Variants in TUT4 observed in about 807,000 individuals in gnomAD.
TUT4 encodes the protein terminal uridylyl transferase 4.
TUT4 carries 36 observed loss-of-function variants against 192.2 expected under a neutral mutation model. That is an observed-to-expected ratio of 0.19 (90% CI 0.14 to 0.25). The LOEUF (loss-of-function observed/expected upper bound fraction) is 0.25, where lower values mean the gene tolerates loss of function less well. Ranked by LOEUF, TUT4 falls within the 10% of genes least tolerant of loss-of-function variation. The pLI, the probability that TUT4 is intolerant of heterozygous loss-of-function variation, is 1.00. For missense variants in TUT4, 1,493 were observed against 1,957.2 expected (o/e 0.76, Z 4.47); for synonymous variants, 618 against 666.0 (o/e 0.93, Z 1.11).
intron 1 of TUT4, among the ~76,000 whole-genome samples, chr1:52,545,051 T>TG: frequency 7.5e-6 from 1 of 134,038 alleles, no homozygotes; most frequent in Non-Finnish European, 1.5e-5. Flanking sequence ...AGTGAGACCT[T>TG]GTCCCCAAAA....
Position 52,423,987 on chromosome 1 carries a change from CG to C in TUT4, c.4885del (p.Arg1629ValfsTer70). 1 of 1,612,126 alleles carries C rather than the reference CG, an allele frequency of 6.2e-7. No homozygotes were observed. Among genetic ancestry groups the C allele is most frequent in the Non-Finnish European group, 8.5e-7 (1 of 1,179,170 alleles). On this transcript the variant is annotated frameshift_variant, in exon 30 of 30. Transcript: ENST00000257177. LOFTEE classifies it high-confidence loss of function. ...GTGGGGACAACGCTCTCTACACCGA[CG>C]GGTGGCACATCTGTCTGTTGGATAC... Reference protein sequence around the residue: ...PFYTQDRCATRRCRERCPHPP... With the variant: ...PFYTQDRCATXRCRERCPHPP...
intron 13 of TUT4, among the ~76,000 whole-genome samples, chr1:52,472,568 TTTA>T (rs558327309): frequency 1.6e-3 from 243 of 150,924 alleles, no homozygotes; most frequent in African/African-American, 5.5e-3. Flanking sequence ...ATTAAACTAA[TTTA>T]TTATTAAATT....
At chr1:52,455,607 T>TAAAAAA (rs34934935) in intron 20 of TUT4, among the ~76,000 whole-genome samples, 1 of 40,560 alleles carries the variant, frequency 2.5e-5, no homozygotes, top group East Asian at 9.5e-4. Context: ...ACGCTACCTT[T>TAAAAAA]AAAAAAAAAA....
intron 15 of TUT4, 28 bp downstream of exon 15, chr1:52,468,153 G>A (rs376498009): frequency 2.1e-4 from 312 of 1,521,916 alleles, no homozygotes; most frequent in Non-Finnish European, 2.7e-4. Context: ...CAGCAAAAAC[G>A]CAATAAATTT....
chr1:52,436,700 G>A (rs1653895781), intron 26 of TUT4, 55 bp downstream of exon 26: 17 of 1,604,662 alleles, frequency 1.1e-5, no homozygotes, highest in Non-Finnish European at 1.2e-5. Context: ...TAGCATGCAA[G>A]CAACATAAAT....
At chr1:52,429,461 G>A (rs1484578860) in intron 28 of TUT4, among the ~76,000 whole-genome samples, 1 of 151,744 alleles carries the variant, frequency 6.6e-6, no homozygotes, top group East Asian at 1.9e-4. Flanking sequence ...GGCAGGAGGA[G>A]CACTTGAGCC....
chr1:52,442,992 A>G (rs1656134614), intron 24 of TUT4, among the ~76,000 whole-genome samples: 1 of 152,152 alleles, frequency 6.6e-6, no homozygotes, highest in Non-Finnish European at 1.5e-5. Flanking sequence ...GCATTCTACT[A>G]AAAAGTCTCG....
intron 3 of TUT4, 183 bp downstream of exon 3, chr1:52,515,708 G>A (rs1678541638): frequency 2.9e-6 from 2 of 696,216 alleles, no homozygotes; most frequent in Non-Finnish European, 4.9e-6. Context: ...ATAAGTAACT[G>A]CTGAAAAAGA....
Position 52,445,850 on chromosome 1 carries a change from T to C in TUT4, c.3759A>G (p.Lys1253=). 6.2e-7 allele frequency: 1 copy of C among 1,612,860 alleles called. No individual in the cohort carries two copies. The highest frequency in any genetic ancestry group is 8.5e-7 in the Non-Finnish European group (1 of 1,179,376). ...VSRKMTNFIM[K]AFINGRKLFG... is the part of the protein sequence containing the mutation. Reference sequence around the variant, plus strand: ...AAAGTTTCCTTCCATTGATAAATGCTTTCATGATGAAATTGGTCACTATTA... The same window carrying C: ...AAAGTTTCCTTCCATTGATAAATGCCTTCATGATGAAATTGGTCACTATTA... The change falls in exon 24 of 30, where the codon AAA becomes AAG. Residue 1253 remains lysine, a synonymous_variant. Transcript: ENST00000257177.
intron 20 of TUT4, among the ~76,000 whole-genome samples, chr1:52,451,941 A>G (rs1480028544): frequency 6.6e-6 from 1 of 152,072 alleles, no homozygotes; most frequent in Non-Finnish European, 1.5e-5. Context: ...TCAATAATTA[A>G]TAACCATCCA....
rs571697922 is a variant in TUT4, at chr1:52,452,409, C to A, written c.3436-5742G>T. On this transcript the variant is annotated intron_variant, in intron 20 of 29. Transcript: ENST00000257177. Reference sequence around the variant, plus strand: ...AGCAAGTTGACTACTGGCTGACAGCCCCTAGGTATCTTTAAAATGGGGGTT... The same window carrying A: ...AGCAAGTTGACTACTGGCTGACAGCACCTAGGTATCTTTAAAATGGGGGTT... 6.6e-5 allele frequency among the ~76,000 whole-genome samples: 10 copies of A among 152,222 alleles called. No homozygotes were observed. The South Asian group carries it at 2.1e-3, about 32-fold the overall frequency.
At chr1:52,484,160 G>T (rs1213974451) in intron 9 of TUT4, among the ~76,000 whole-genome samples, 2 of 152,106 alleles carry the variant, frequency 1.3e-5, no homozygotes, top group Non-Finnish European at 2.9e-5. Flanking sequence ...GTTACAGTGA[G>T]CTATGATGGC....
chr1:52,502,474 T>C (rs771357915), intron 4 of TUT4, among the ~76,000 whole-genome samples: 1 of 152,276 alleles, frequency 6.6e-6, no homozygotes, highest in South Asian at 2.1e-4. Context: ...AAATGCTCCA[T>C]TTAAATCATG....
rs548524166 is a variant in TUT4 at position 52,459,143 on chromosome 1, G to A, written c.3322-694C>T. Among the ~76,000 whole-genome samples, 6 of 152,202 alleles carry A rather than the reference G, an allele frequency of 3.9e-5. No homozygotes were observed. In the South Asian group the frequency reaches 1.0e-3, roughly 26 times the overall value. ...TCTACTAAAAATAAAAAAGTTAGCC[G>A]GGTGTGGTGGCGGGCGCCTGTAGTC... On this transcript the variant is annotated intron_variant, in intron 19 of 29. Coordinates refer to ENST00000257177, the MANE Select transcript of TUT4 (RefSeq NM_001009881.3).
At chr1:52,492,103 T>C (rs537122410) in intron 7 of TUT4, among the ~76,000 whole-genome samples, 73 of 152,302 alleles carry the variant, frequency 4.8e-4, no homozygotes, top group African/African-American at 1.4e-3. Context: ...TCTGAAGAGG[T>C]AAATGCTATG....
Position 52,429,848 on chromosome 1 carries a change from C to T in TUT4, c.4711+1165G>A, listed in dbSNP as rs147354633. 1.2e-3 allele frequency among the ~76,000 whole-genome samples: 185 copies of T among 152,184 alleles called. 2 individuals are homozygous for T. Among genetic ancestry groups the T allele is most frequent in the African/African-American group, 4.1e-3 (172 of 41,528 alleles). The stretch of plus-strand genomic sequence containing the variant: ...GCCTCAACTGATCTGCCCACCTCAG[C>T]CTTCCAAAGTTCTGGGATTACAGGT... On this transcript the variant is annotated intron_variant, in intron 28 of 29. Coordinates refer to ENST00000257177, the MANE Select transcript of TUT4 (RefSeq NM_001009881.3).
chr1:52,486,807 CT>C (rs1341553266), intron 9 of TUT4, among the ~76,000 whole-genome samples: 5 of 152,064 alleles, frequency 3.3e-5, no homozygotes, highest in African/African-American at 1.2e-4. Context: ...CATGAGCAAC[CT>C]TTTCCAAGAG....
chr1:52,512,284 C>G (rs182645711), intron 3 of TUT4, among the ~76,000 whole-genome samples: 14 of 152,292 alleles, frequency 9.2e-5, no homozygotes, highest in Admixed American at 2.0e-4. Flanking sequence ...AGTAGCTCAT[C>G]TTTATTTCTT....
intron 15 of TUT4, among the ~76,000 whole-genome samples, chr1:52,467,461 A>C (rs764727622): frequency 1.5e-4 from 23 of 152,094 alleles, no homozygotes; most frequent in Non-Finnish European, 2.4e-4. Context: ...CCATCAGCAA[A>C]TCCTATTGGT....
Sources: gnomAD v4.1 joint callset for allele counts (sites outside exome capture counted in the v4.1 genomes callset) on GRCh38, gnomAD v4.1.1 for gene constraint, MANE v1.5 for transcripts, NCBI Gene and HGNC (gene_info 2026-07-23, HGNC 2026-07-21) for gene names.